LRIG3: variants seen among roughly 807,000 people sequenced by gnomAD.
The protein encoded by LRIG3 is leucine-rich repeats and immunoglobulin-like domains protein 3.
In LRIG3, 76 loss-of-function variants were observed where a neutral mutation model predicts 114.5. The ratio of observed to expected loss-of-function variants is 0.66; its 90% CI spans 0.55 to 0.80. The LOEUF (loss-of-function observed/expected upper bound fraction) is 0.80, where lower values mean the gene tolerates loss of function less well. Among genes scored for constraint, LRIG3 ranks in the 30% least tolerant of loss-of-function variants. The pLI is 0.00. For synonymous variants in LRIG3, 512 were observed against 519.8 expected (o/e 0.98, Z 0.20); for missense variants, 1,239 against 1,382.8 (o/e 0.90, Z 1.65).
At chr12:58,879,560 C>A (rs1162504224) in intron 13 of LRIG3, among the ~76,000 whole-genome samples, 1 of 152,126 alleles carries the variant, frequency 6.6e-6, no homozygotes, top group African/African-American at 2.4e-5. Flanking sequence ...GTTCTATGTG[C>A]CAGGCCACAG....
chr12:58,877,347 A>G, intron 15 of LRIG3, 53 bp downstream of exon 15: 1 of 1,551,518 alleles, frequency 6.4e-7, no homozygotes. Context: ...GTATTTGCAG[A>G]ACCACAAATA....
chr12:58,882,184 T>C lies in LRIG3; in HGVS notation c.1480+685A>G, dbSNP rs1004761885. Among the ~76,000 whole-genome samples, 4 of 152,256 alleles carry C rather than the reference T, an allele frequency of 2.6e-5. No homozygotes were observed. The East Asian group carries it at 7.7e-4, about 29-fold the overall frequency. On this transcript the variant is annotated intron_variant, in intron 12 of 18. Transcript: ENST00000320743. Reference sequence around the variant, plus strand: ...TTAAATAAAAGCAAATTCTGATTTATTGGTTTATAAAACATATTTATTTTT... The same window carrying C: ...TTAAATAAAAGCAAATTCTGATTTACTGGTTTATAAAACATATTTATTTTT...
chr12:58,902,278 T>TA (rs112258349), intron 3 of LRIG3, among the ~76,000 whole-genome samples: 2,197 of 152,000 alleles, frequency 0.014, 56 homozygotes, highest in African/African-American at 0.049. Flanking sequence ...AAAAAAAATG[T>TA]AAAAAAAATG....
chr12:58,914,289 C>G lies in LRIG3; in HGVS notation c.284G>C (p.Ser95Thr). 2 of 1,614,030 alleles carry G rather than the reference C, an allele frequency of 1.2e-6. No homozygotes were observed. Among genetic ancestry groups the G allele is most frequent in the Non-Finnish European group, 1.7e-6 (2 of 1,179,956 alleles). ...RLSFIKASSM[S>T]HLQSLREVKL... ...CACTTCTCGAAGGCTTTGAAGGTGGCTCATGGAACTTGCCTTGATGAAAGA... is the reference window on the plus strand; with the variant it reads ...CACTTCTCGAAGGCTTTGAAGGTGGGTCATGGAACTTGCCTTGATGAAAGA... The change falls in exon 2 of 19, where the codon AGC becomes ACC. Residue 95 changes from serine (S) to threonine (T), a missense_variant. Transcript: ENST00000320743.
At chr12:58,876,038 C>T (rs1311550777) in intron 16 of LRIG3, among the ~76,000 whole-genome samples, 1 of 152,056 alleles carries the variant, frequency 6.6e-6, no homozygotes, top group African/African-American at 2.4e-5. Flanking sequence ...GGTGACAGAG[C>T]GAGACTTCGT....
chr12:58,896,742 G>A (rs1358327923), intron 3 of LRIG3, among the ~76,000 whole-genome samples: 2 of 152,132 alleles, frequency 1.3e-5, no homozygotes, highest in African/African-American at 4.8e-5. Context: ...GTCCAATTCA[G>A]TGATTGCAAC....
chr12:58,899,316 A>C (rs922208742), intron 3 of LRIG3, among the ~76,000 whole-genome samples: 2 of 152,184 alleles, frequency 1.3e-5, no homozygotes, highest in Non-Finnish European at 2.9e-5. Context: ...TGTATCTTTC[A>C]TAGTTTTCTC....
In LRIG3 at chr12:58,920,022, G is replaced by A. The variant is rs1176513021; in HGVS notation, c.214C>T (p.Leu72Phe). The A allele has an allele frequency of 1.3e-6, 2 of 1,551,152 alleles. No individual in the cohort carries two copies. The highest frequency in any genetic ancestry group is 2.7e-5 in the African/African-American group (2 of 73,204). ...TACAGCCGAGCGACCCAGGACGGGA[G>A]TGGCTCGGGAAGACGCGCTAGCCGC... ...RKRLARLPEP[L>F]PSWVARLDLS... is the part of the protein sequence containing the mutation. Residue 72 changes from leucine to phenylalanine, a missense_variant, in exon 1 of 19, where the codon CTC (leucine) becomes TTC (phenylalanine). Physicochemically the swap from Leu to Phe is conservative, Grantham distance 22. Coordinates refer to ENST00000320743, the MANE Select transcript of LRIG3 (RefSeq NM_153377.5).
intron 3 of LRIG3, among the ~76,000 whole-genome samples, chr12:58,897,364 T>A (rs925610982): frequency 6.6e-6 from 1 of 152,186 alleles, no homozygotes; most frequent in African/African-American, 2.4e-5. Context: ...ATAATAAAGA[T>A]GGCCATGTAT....
intron 3 of LRIG3, among the ~76,000 whole-genome samples, chr12:58,905,159 A>G (rs1872015479): frequency 6.6e-6 from 1 of 152,072 alleles, no homozygotes; most frequent in African/African-American, 2.4e-5. Flanking sequence ...CTTGAGAAGG[A>G]TTTTTTTCTT....
chr12:58,918,284 G>A (rs1165314391), intron 1 of LRIG3, among the ~76,000 whole-genome samples: 1 of 152,192 alleles, frequency 6.6e-6, no homozygotes, highest in Non-Finnish European at 1.5e-5. Flanking sequence ...TTTTTAGTGT[G>A]CCACCAAATT....
In LRIG3 at chr12:58,874,488, G is replaced by T. The variant is rs746437337; in HGVS notation, c.2781C>A (p.Gly927=). Residue 927 remains glycine (G), a synonymous_variant, in exon 17 of 19, where the codon GGC becomes GGA. Transcript: ENST00000320743. The part of the protein sequence containing the change: ...LFLCPFLGST[G]PMYLKGNVYG... ...ACACATTTCCCTTCAAATACATAGG[G>T]CCTGTGGATCCCAAAAACGGACAAA... The T allele has an allele frequency of 8.1e-6, 13 of 1,614,140 alleles. No individual in the cohort carries two copies. In the South Asian group the frequency reaches 1.4e-4, roughly 18 times the overall value.
chr12:58,895,683 T>C (rs919213316), intron 3 of LRIG3, among the ~76,000 whole-genome samples: 22 of 152,036 alleles, frequency 1.4e-4, no homozygotes, highest in African/African-American at 5.1e-4. Flanking sequence ...GGTGACAATA[T>C]CACATGTACA....
At chr12:58,905,981 C>T (rs763573420) in intron 3 of LRIG3, among the ~76,000 whole-genome samples, 12 of 152,118 alleles carry the variant, frequency 7.9e-5, no homozygotes, top group Non-Finnish European at 1.5e-4. Flanking sequence ...CTAGGACAAC[C>T]TCTAATAAAA....
chr12:58,885,240 G>A (rs996053833), intron 10 of LRIG3, among the ~76,000 whole-genome samples: 2 of 152,130 alleles, frequency 1.3e-5, no homozygotes, highest in South Asian at 2.1e-4. Context: ...AATGGTAAGG[G>A]GGGGTTGTAT....
intron 10 of LRIG3, 68 bp from the exon 11 acceptor site, chr12:58,883,659 G>C: frequency 8.4e-7 from 1 of 1,191,622 alleles, no homozygotes; most frequent in Non-Finnish European, 1.2e-6. Context: ...GACAAAGTTT[G>C]GGCCCCCACT....
Position 58,920,203 on chromosome 12 carries a change from C to G in LRIG3, c.33G>C (p.Ala11=). 1 of 1,411,898 alleles carries G rather than the reference C, an allele frequency of 7.1e-7. No individual in the cohort carries two copies. Among genetic ancestry groups the G allele is most frequent in the Non-Finnish European group, 9.1e-7 (1 of 1,094,190 alleles). 87.5% of individuals were successfully genotyped at this position (1,411,898 alleles called of 1,614,324 possible). A position where few individuals can be genotyped will look rare whatever the true frequency, so the allele number is the denominator to read the frequency against. Residue 11 remains alanine (A), a synonymous_variant, in exon 1 of 19, where the codon GCG becomes GCC. Transcript: ENST00000320743. Reference sequence around the variant, plus strand: ...CCGCGCACAGCAGCAGCCCCAACCCCGCGGCGCGCGCACGGAGGCTCGGCG... The same window carrying G: ...CCGCGCACAGCAGCAGCCCCAACCCGGCGGCGCGCGCACGGAGGCTCGGCG... The part of the protein sequence containing the change: MSAPSLRARA[A]GLGLLLCAVL...
At chr12:58,889,706 A>AT (rs761979153) in intron 5 of LRIG3, among the ~76,000 whole-genome samples, 6 of 152,018 alleles carry the variant, frequency 3.9e-5, no homozygotes, top group South Asian at 2.1e-4. Flanking sequence ...GAGACCTCGG[A>AT]TTTTTTCAGT....
chr12:58,910,621 A>G (rs1872241066), intron 3 of LRIG3, among the ~76,000 whole-genome samples: 2 of 152,102 alleles, frequency 1.3e-5, no homozygotes, highest in Non-Finnish European at 2.9e-5. Context: ...AAAAAACAAA[A>G]ACAAAAACAA....
Sources: gnomAD v4.1 joint callset for allele counts (sites outside exome capture counted in the v4.1 genomes callset) on GRCh38, gnomAD v4.1.1 for gene constraint, MANE v1.5 for transcripts, NCBI Gene and HGNC (gene_info 2026-07-23, HGNC 2026-07-21) for gene names.